Variants in ADAMTS9 observed in about 807,000 individuals in gnomAD.
ADAMTS9 encodes the protein ADAM metallopeptidase with thrombospondin type 1 motif 9, also known as A disintegrin and metalloproteinase with thrombospondin motifs 9.
In ADAMTS9, 107 loss-of-function variants were observed where a neutral mutation model predicts 257.1. The ratio of observed to expected loss-of-function variants is 0.42; its 90% CI spans 0.36 to 0.49. The LOEUF is 0.49. Ranked by LOEUF, ADAMTS9 falls within the 20% of genes least tolerant of loss-of-function variation. The pLI, the probability that ADAMTS9 is intolerant of heterozygous loss-of-function variation, is 0.03. For synonymous variants in ADAMTS9, 982 were observed against 880.9 expected, an observed-to-expected ratio of 1.11 and a Z score of -2.03; for missense variants, 2,353 against 2,469.1, an observed-to-expected ratio of 0.95 and a Z score of 1.00.
At position 64,633,768 on chromosome 3, in the gene ADAMTS9, G is replaced by C; in HGVS notation, c.1968C>G (p.His656Gln). ...KRDFRDEQCA[H>Q]FDGKHFNING... ...TGATGTTAAAATGCTTCCCGTCAAA[G>C]TGAGCACACTGTTCATCTCGGAAGT... Residue 656 changes from histidine to glutamine, a missense_variant, in exon 13 of 40, where the codon CAC becomes CAG. This residue lies in a region of ADAMTS9 where 360 missense variants were observed against 458.1 expected (regional missense o/e 0.79). Coordinates refer to ENST00000498707, the MANE Select transcript of ADAMTS9 (RefSeq NM_182920.2). The C allele has an allele frequency of 4.3e-6, 7 of 1,613,708 alleles. No individual in the cohort carries two copies. Among genetic ancestry groups the C allele is most frequent in the Non-Finnish European group, 5.9e-6 (7 of 1,179,978 alleles).
chr3:64,632,511 G>A (rs1643955603), intron 14 of ADAMTS9, among the ~76,000 whole-genome samples: 2 of 152,146 alleles, frequency 1.3e-5, no homozygotes, highest in Admixed American at 6.5e-5. Context: ...ATGACCATGG[G>A]CCTCCATTTT....
intron 28 of ADAMTS9, among the ~76,000 whole-genome samples, chr3:64,571,894 T>C (rs1181262376): frequency 6.6e-6 from 1 of 152,168 alleles, no homozygotes; most frequent in Non-Finnish European, 1.5e-5. Flanking sequence ...TTCCATCAGA[T>C]CATTTCCAGT....
At chr3:64,594,474 A>T (rs566880425) in intron 27 of ADAMTS9, 40 bp from the exon 28 acceptor site, 49 of 1,596,584 alleles carry the variant, frequency 3.1e-5, no homozygotes, top group Non-Finnish European at 4.2e-5. Context: ...ATTTTGTCTG[A>T]AAGGCCAATG....
chr3:64,665,442 C>T lies in ADAMTS9; in HGVS notation c.680-6651G>A, dbSNP rs527702087. Among the ~76,000 whole-genome samples the T allele has an allele frequency of 3.8e-4, 58 of 152,282 alleles. 1 individual carries two copies. The highest frequency in any genetic ancestry group is 3.4e-3 in the Middle Eastern group (1 of 294). ...GAACAGTACCTATTTCATAGAGTGG[C>T]TTTGAGGAATAATTGGAGATCATGC... On this transcript the variant is annotated intron_variant, in intron 3 of 39. Coordinates refer to ENST00000498707, the MANE Select transcript of ADAMTS9 (RefSeq NM_182920.2).
At chr3:64,646,460 A>G (rs953034832) in intron 11 of ADAMTS9, among the ~76,000 whole-genome samples, 1 of 152,164 alleles carries the variant, frequency 6.6e-6, no homozygotes, top group Non-Finnish European at 1.5e-5. Flanking sequence ...TCTTGCAAAG[A>G]TTCACTCTTT....
intron 3 of ADAMTS9, among the ~76,000 whole-genome samples, chr3:64,660,208 G>T (rs987847649): frequency 5.3e-5 from 8 of 152,282 alleles, no homozygotes; most frequent in African/African-American, 1.4e-4. Flanking sequence ...GAAGAAGTAT[G>T]CTTACCTAAC....
intron 29 of ADAMTS9, chr3:64,563,341 A>T (rs1032390206): frequency 2.0e-5 from 3 of 152,236 alleles, no homozygotes; most frequent in African/African-American, 7.2e-5. Context: ...GACTATTTCA[A>T]TTTGGGGTCT....
intron 12 of ADAMTS9, 131 bp downstream of exon 12, chr3:64,641,717 G>A: frequency 8.3e-7 from 1 of 1,204,510 alleles, no homozygotes; most frequent in South Asian, 1.6e-5. Context: ...GTGGGTCTAA[G>A]CAGCCCTTGA....
intron 12 of ADAMTS9, among the ~76,000 whole-genome samples, chr3:64,637,855 T>C (rs1700538724): frequency 6.6e-6 from 1 of 152,190 alleles, no homozygotes; most frequent in Non-Finnish European, 1.5e-5. Context: ...AATGGGGCAG[T>C]CTATGAAACT....
chr3:64,681,102 G>C, intron 3 of ADAMTS9, 99 bp downstream of exon 3: 1 of 1,355,918 alleles, frequency 7.4e-7, no homozygotes, highest in East Asian at 2.4e-5. Flanking sequence ...TAATGCATAT[G>C]GTTGCACTTT....
intron 28 of ADAMTS9, among the ~76,000 whole-genome samples, chr3:64,576,704 C>A (rs547009032): frequency 6.6e-6 from 1 of 152,154 alleles, no homozygotes; most frequent in African/African-American, 2.4e-5. Flanking sequence ...TCATCCCAGC[C>A]GGATGGGGCA....
At chr3:64,576,755 G>C (rs778794634) in intron 28 of ADAMTS9, among the ~76,000 whole-genome samples, 1 of 152,180 alleles carries the variant, frequency 6.6e-6, no homozygotes, top group African/African-American at 2.4e-5. Flanking sequence ...CAACACTCCA[G>C]CCTTTGCAAC....
In ADAMTS9 at chr3:64,530,362, G is replaced by C. The variant is rs1260060142; in HGVS notation, c.5718+2804C>G. 2.0e-5 allele frequency among the ~76,000 whole-genome samples: 3 copies of C among 152,080 alleles called. No individual in the cohort carries two copies. In the East Asian group the frequency reaches 5.8e-4, roughly 29 times the overall value. The stretch of plus-strand genomic sequence containing the variant: ...TTTTCAGGTAGCATTGCTAGGACAT[G>C]CTTCTCTGGACCACACGGGGGAAGT... On this transcript the variant is annotated intron_variant, in intron 38 of 39. Coordinates refer to ENST00000498707, the MANE Select transcript of ADAMTS9 (RefSeq NM_182920.2).
Position 64,601,946 on chromosome 3 carries a change from C to T in ADAMTS9, c.4015G>A (p.Ala1339Thr), listed in dbSNP as rs773740619. 3 of 1,596,810 alleles carry T rather than the reference C, an allele frequency of 1.9e-6. No homozygotes were observed. Among genetic ancestry groups the T allele is most frequent in the South Asian group, 1.1e-5 (1 of 88,438 alleles). The change falls in exon 26 of 40, where the codon GCA becomes ACA. Residue 1339 changes from alanine to threonine, a missense_variant and splice_region_variant. By Grantham distance (58) the Ala-to-Thr change is moderately conservative (BLOSUM62 0). This residue lies in a region of ADAMTS9 where 1,402 missense variants were observed against 1,441.4 expected (regional missense o/e 0.97). Coordinates refer to ENST00000498707, the MANE Select transcript of ADAMTS9 (RefSeq NM_182920.2). Reference sequence around the variant, plus strand: ...AGCAAACTTCAGGGAATACTCACTGCTCCCCAGGGGCCAGTTCTCCACTGG... The same window carrying T: ...AGCAAACTTCAGGGAATACTCACTGTTCCCCAGGGGCCAGTTCTCCACTGG... The part of the protein sequence containing the change: ...GNQWRTGPWG[A>T]CSSTCAGGSQ...
At chr3:64,573,784 T>C (rs747756826) in intron 28 of ADAMTS9, among the ~76,000 whole-genome samples, 4 of 152,206 alleles carry the variant, frequency 2.6e-5, no homozygotes, top group Non-Finnish European at 5.9e-5. Context: ...AAGTGAATAC[T>C]GCATGAGCGT....
chr3:64,522,353 T>A, intron 38 of ADAMTS9, 93 bp from the exon 39 acceptor site: 1 of 1,075,098 alleles, frequency 9.3e-7, no homozygotes. Context: ...ATACACACAG[T>A]AAACAGGCCT....
In ADAMTS9 at chr3:64,541,133, T is replaced by G; in HGVS notation, c.5483A>C (p.Gln1828Pro). 1.2e-6 allele frequency: 2 copies of G among 1,614,174 alleles called. No individual in the cohort carries two copies. The highest frequency in any genetic ancestry group is 2.2e-5 in the East Asian group (1 of 44,886). The part of the protein sequence containing the change: ...DYTAAGFSSF[Q>P]KIRIDLTSMQ... ...GCTGGTCAGGTCTATTCTGATTTTCTGAAAACTGGAAAACCCAGCGGCCGT... is the reference window on the plus strand; with the variant it reads ...GCTGGTCAGGTCTATTCTGATTTTCGGAAAACTGGAAAACCCAGCGGCCGT... Residue 1828 changes from glutamine (Q) to proline (P), a missense_variant, in exon 36 of 40, where the codon CAG becomes CCG. Coordinates refer to ENST00000498707, the MANE Select transcript of ADAMTS9 (RefSeq NM_182920.2).
At chr3:64,572,946 C>G (rs574911133) in intron 28 of ADAMTS9, among the ~76,000 whole-genome samples, 23 of 151,994 alleles carry the variant, frequency 1.5e-4, no homozygotes, top group Non-Finnish European at 3.2e-4. Context: ...GGCATGGTGG[C>G]ATGCACCTGT....
Position 64,658,675 on chromosome 3 carries a change from A to T in ADAMTS9, c.796T>A (p.Phe266Ile). 6.2e-7 allele frequency: 1 copy of T among 1,613,972 alleles called. No homozygotes were observed. The highest frequency in any genetic ancestry group is 8.5e-7 in the Non-Finnish European group (1 of 1,180,006). Residue 266 changes from phenylalanine to isoleucine, a missense_variant, in exon 4 of 40, where the codon TTT (phenylalanine) becomes ATT (isoleucine). Physicochemically the swap from Phe to Ile is conservative, Grantham distance 21 (BLOSUM62 0). Coordinates refer to ENST00000498707, the MANE Select transcript of ADAMTS9 (RefSeq NM_182920.2). ...ALNSGLATEA[F>I]SAYGNKTDNT... ...TCCGTCTTATTACCATAAGCAGAAA[A>T]TGCCTCTGTTGCTAAGCCGCTGTTT...
Sources: gnomAD v4.1 joint callset for allele counts (sites outside exome capture counted in the v4.1 genomes callset) on GRCh38, gnomAD v4.1.1 for gene constraint, gnomAD v4.1.1 regional missense constraint, MANE v1.5 for transcripts, NCBI Gene and HGNC (gene_info 2026-07-23, HGNC 2026-07-21) for gene names.